Variants in UBE2Z observed in about 807,000 individuals in gnomAD.
UBE2Z encodes the protein ubiquitin-conjugating enzyme E2 Z.
Under a neutral mutation model 32.6 loss-of-function variants are expected in UBE2Z, and 10 were observed. The ratio of observed to expected loss-of-function variants is 0.31; its 90% CI spans 0.19 to 0.52. UBE2Z has a LOEUF of 0.52. Ranked by LOEUF, UBE2Z falls within the 20% of genes least tolerant of loss-of-function variation. The pLI is 0.97. For missense variants in UBE2Z, 343 were observed against 480.9 expected (o/e 0.71, Z 2.68); for synonymous variants, 183 against 190.8 (o/e 0.96, Z 0.34).
At chr17:48,913,159 A>T in intron 3 of UBE2Z, 138 bp downstream of exon 3, 1 of 854,724 alleles carries the variant, frequency 1.2e-6, no homozygotes, top group African/African-American at 1.7e-5. Flanking sequence ...TCTCCTCAGG[A>T]TGGTATGTGA....
At chr17:48,918,164 C>T (rs1039326711) in intron 4 of UBE2Z, among the ~76,000 whole-genome samples, 2 of 151,562 alleles carry the variant, frequency 1.3e-5, no homozygotes, top group Non-Finnish European at 2.9e-5. Context: ...TTTCGAATTT[C>T]GGACCTCAGG....
chr17:48,923,331 A>T (rs151159395), intron 6 of UBE2Z, among the ~76,000 whole-genome samples: 61,085 of 147,526 alleles, frequency 0.41, 15,436 homozygotes, highest in East Asian at 0.72. Context: ...AAAAAAAAAA[A>T]AAAAAAAAAA....
At chr17:48,910,781 C>T (rs751294506) in intron 1 of UBE2Z, 27 bp from the exon 2 acceptor site, 2 of 1,572,746 alleles carry the variant, frequency 1.3e-6, no homozygotes, top group African/African-American at 1.3e-5. Context: ...CTCACTCCTT[C>T]CCCCACCTCC....
Position 48,927,082 on chromosome 17 carries a change from A to G in UBE2Z, c.1013A>G (p.Asp338Gly), listed in dbSNP as rs1472110494. 1 of 1,613,938 alleles carries G rather than the reference A, an allele frequency of 6.2e-7. No homozygotes were observed. Among genetic ancestry groups the G allele is most frequent in the Non-Finnish European group, 8.5e-7 (1 of 1,179,876 alleles). The change falls in exon 7 of 7, where the codon GAT (aspartate) becomes GGT (glycine). Residue 338 changes from aspartate to glycine, a missense_variant. Around this residue, in one of 4 missense-constraint regions of UBE2Z, gnomAD observed 182 missense variants for 312.4 expected, o/e 0.58. Transcript: ENST00000360943. ...LHNENAEMDS[D>G]SSSSGTETDL... ...AATGAGAATGCAGAAATGGACTCTGATAGCAGTTCATCTGGGACAGAGACA... is the reference window on the plus strand; with the variant it reads ...AATGAGAATGCAGAAATGGACTCTGGTAGCAGTTCATCTGGGACAGAGACA...
rs147214839 is a variant in UBE2Z, at chr17:48,917,912, G to A, written c.690+1725G>A. ...GATAGTCCCAAAAGAAAATGATTCC[G>A]GATAGGTGATTAGAACAGCTTAATT... is the stretch of plus-strand genomic sequence containing the variant. On this transcript the variant is annotated intron_variant, in intron 4 of 6. Transcript: ENST00000360943. 1.6e-4 allele frequency among the ~76,000 whole-genome samples: 25 copies of A among 152,164 alleles called. No homozygotes were observed. In the East Asian group the frequency reaches 2.5e-3, roughly 15 times the overall value.
At position 48,910,899 on chromosome 17, in the gene UBE2Z, G is replaced by A; in HGVS notation, c.390+19G>A. ...GACTAAGGTATGTAACTTGATGGGG[G>A]TTTGGGGGGTTTTGGGAAATTGGGG... On this transcript the variant is annotated intron_variant, in intron 2 of 6. Transcript: ENST00000360943. 6.2e-7 allele frequency: 1 copy of A among 1,608,126 alleles called. No individual in the cohort carries two copies. Among genetic ancestry groups the A allele is most frequent in the Non-Finnish European group, 8.5e-7 (1 of 1,174,864 alleles).
rs2040649546 is a variant in UBE2Z, at chr17:48,908,828, G to A, written c.317+8G>A. 3 of 1,488,778 alleles carry A rather than the reference G, an allele frequency of 2.0e-6. No homozygotes were observed. Among genetic ancestry groups the A allele is most frequent in the East Asian group, 2.9e-5 (1 of 34,938 alleles). The allele number at this position is 1,488,778 out of a possible 1,614,324, so 92.2% of individuals were successfully genotyped here. On this transcript the variant is annotated splice_region_variant and intron_variant, in intron 1 of 6. Coordinates refer to ENST00000360943, the MANE Select transcript of UBE2Z (RefSeq NM_023079.5). Reference sequence around the variant, plus strand: ...TCTACTCCGGATCAAGCGGTGAGCCGGGGTTTTTCCTCCCCCAGCCCCGAG... The same window carrying A: ...TCTACTCCGGATCAAGCGGTGAGCCAGGGTTTTTCCTCCCCCAGCCCCGAG...
rs1374356056 is a variant in UBE2Z, at chr17:48,908,630, C to A, written c.127C>A (p.Pro43Thr). ...SGGGFGPPFL[P>T]DVWAAAAAAG... ...CGGCGGGTTCGGGCCGCCTTTCCTGCCGGATGTGTGGGCGGCGGCGGCGGC... is the reference window on the plus strand; with the variant it reads ...CGGCGGGTTCGGGCCGCCTTTCCTGACGGATGTGTGGGCGGCGGCGGCGGC... The change falls in exon 1 of 7, where the codon CCG (proline) becomes ACG (threonine). Residue 43 changes from proline to threonine, a missense_variant. This residue lies in a region of UBE2Z where 103 missense variants were observed against 96.2 expected (regional missense o/e 1.07). Transcript: ENST00000360943. 4.1e-6 allele frequency: 5 copies of A among 1,233,474 alleles called. No individual in the cohort carries two copies. The East Asian group carries it at 1.6e-4, about 40-fold the overall frequency. The allele number at this position is 1,233,474 out of a possible 1,614,324, so 76.4% of individuals were successfully genotyped here. A position where few individuals can be genotyped will look rare whatever the true frequency, so the allele number is the denominator to read the frequency against.
At chr17:48,925,977 C>T (rs1341755366) in intron 6 of UBE2Z, among the ~76,000 whole-genome samples, 1 of 152,084 alleles carries the variant, frequency 6.6e-6, no homozygotes, top group Non-Finnish European at 1.5e-5. Context: ...TGCCTAAGTC[C>T]CTATATAGTA....
Position 48,916,586 on chromosome 17 carries a change from T to TTTTTGTTTTGTTTTG in UBE2Z, c.690+415_690+429dup, listed in dbSNP as rs77094622. The stretch of plus-strand genomic sequence containing the variant: ...TTTAAGAGATCTGCTTGGGAGGTTT[T>TTTTTGTTTTGTTTTG]TTTTGTTTTGTTTTGTTTTGTTTTG... On this transcript the variant is annotated intron_variant, in intron 4 of 6. Coordinates refer to ENST00000360943, the MANE Select transcript of UBE2Z (RefSeq NM_023079.5). 1.8e-3 allele frequency among the ~76,000 whole-genome samples: 271 copies of TTTTTGTTTTGTTTTG among 149,040 alleles called. 1 individual carries two copies. The highest frequency in any genetic ancestry group is 8.0e-3 in the East Asian group (40 of 4,992).
chr17:48,918,813 C>T (rs544610882), intron 4 of UBE2Z, among the ~76,000 whole-genome samples: 2 of 141,520 alleles, frequency 1.4e-5, no homozygotes, highest in South Asian at 4.5e-4. Flanking sequence ...GTGGTGTGAT[C>T]TCAGCTCACT....
chr17:48,915,720 G>T, intron 3 of UBE2Z: 1 of 234,786 alleles, frequency 4.3e-6, no homozygotes, highest in Non-Finnish European at 8.3e-6. Context: ...CCATAAACAA[G>T]CTCTTTGAGA....
intron 3 of UBE2Z, chr17:48,915,839 C>T (rs2040714737): frequency 1.1e-5 from 5 of 436,828 alleles, no homozygotes; most frequent in South Asian, 1.1e-4. Flanking sequence ...TTCAAAGTTA[C>T]ATAGCTTGCT....
chr17:48,914,392 C>T (rs2040704306), intron 3 of UBE2Z, among the ~76,000 whole-genome samples: 1 of 152,172 alleles, frequency 6.6e-6, no homozygotes, highest in Non-Finnish European at 1.5e-5. Flanking sequence ...TTTTCTAGGA[C>T]TTGCTCAGAC....
At chr17:48,912,673 T>G (rs914844662) in intron 2 of UBE2Z, 161 bp from the exon 3 acceptor site, 14 of 705,412 alleles carry the variant, frequency 2.0e-5, no homozygotes, top group African/African-American at 1.9e-4. Flanking sequence ...TACGTATTAG[T>G]ATGAGTGAAT....
At chr17:48,912,474 T>G (rs909609050) in intron 2 of UBE2Z, 1 of 197,968 alleles carries the variant, frequency 5.1e-6, no homozygotes, top group African/African-American at 2.3e-5. Flanking sequence ...CACAGTGGTG[T>G]TTTATCCATT....
At chr17:48,916,278 C>CA (rs2040719706) in intron 4 of UBE2Z, 91 bp downstream of exon 4, 1 of 440,218 alleles carries the variant, frequency 2.3e-6, no homozygotes, top group African/African-American at 2.5e-5. Flanking sequence ...TTTTTTGAGA[C>CA]AGAGTCTTCC....
chr17:48,925,281 C>CAA (rs200181647), intron 6 of UBE2Z, among the ~76,000 whole-genome samples: 29 of 108,276 alleles, frequency 2.7e-4, no homozygotes, highest in South Asian at 5.8e-4. Context: ...GACTCCACCT[C>CAA]AAAAAAAAAA....
In UBE2Z at chr17:48,928,769, A is replaced by G. The variant is rs967909209; in HGVS notation, c.*1635A>G. On this transcript the variant is annotated 3_prime_UTR_variant, in exon 7 of 7. Transcript: ENST00000360943. ...ACCCTGCTTCCAATTTCCCTCTTCC[A>G]TTCCTCGAGCTACTCCAGGGCTTAG... 26 of 152,666 alleles carry G rather than the reference A, an allele frequency of 1.7e-4. 1 individual carries two copies. The highest frequency in any genetic ancestry group is 1.7e-3 in the Admixed American group (26 of 15,280). The allele number at this position is 152,666 out of a possible 1,614,324, so 9.5% of individuals were successfully genotyped here.
Sources: allele counts gnomAD v4.1 joint callset (sites outside exome capture counted in the v4.1 genomes callset), GRCh38; gene constraint gnomAD v4.1.1; regional missense constraint gnomAD v4.1.1; transcripts MANE v1.5; gene names NCBI Gene and HGNC (gene_info 2026-07-23, HGNC 2026-07-21).